Variants in PRSS23 observed in about 807,000 individuals in gnomAD.
The protein encoded by PRSS23 is protease, serine 23.
A neutral mutation model predicts 34.7 loss-of-function variants in PRSS23; 25 were observed. The ratio of observed to expected loss-of-function variants is 0.72; its 90% CI spans 0.53 to 1.01. PRSS23 has a LOEUF of 1.01. Ranked by LOEUF, PRSS23 falls within the 50% of genes least tolerant of loss-of-function variation. PRSS23 has a pLI of 0.00. For synonymous variants in PRSS23, 176 were observed against 186.6 expected (o/e 0.94, Z 0.46); for missense variants, 445 against 475.6 (o/e 0.94, Z 0.60).
downstream of PRSS23, among the ~76,000 whole-genome samples, chr11:86,813,560 G>A (rs1948194925): frequency 1.3e-5 from 2 of 152,174 alleles, no homozygotes; most frequent in African/African-American, 4.8e-5. Context: ...TCCATGAAGG[G>A]ACAGTAGGCA....
At chr11:86,847,436 T>G (rs1054132407) in intron 2 of PRSS23, among the ~76,000 whole-genome samples, 1 of 152,164 alleles carries the variant, frequency 6.6e-6, no homozygotes, top group Non-Finnish European at 1.5e-5. Context: ...CAAGGGAAGT[T>G]TCCATCCTGC....
At chr11:86,915,741 G>C (rs1406903146) in intron 2 of PRSS23, among the ~76,000 whole-genome samples, 2 of 151,932 alleles carry the variant, frequency 1.3e-5, no homozygotes, top group African/African-American at 2.4e-5. Context: ...TATTATATTT[G>C]TAATTATATT....
At chr11:86,835,964 C>T (rs988768443) in intron 2 of PRSS23, among the ~76,000 whole-genome samples, 1 of 152,158 alleles carries the variant, frequency 6.6e-6, no homozygotes, top group Admixed American at 6.5e-5. Flanking sequence ...TCCCTGAACC[C>T]TTTCGGTAAA....
At chr11:86,885,920 C>A (rs1167433068) in intron 2 of PRSS23, among the ~76,000 whole-genome samples, 1 of 152,070 alleles carries the variant, frequency 6.6e-6, no homozygotes, top group Non-Finnish European at 1.5e-5. Flanking sequence ...AAAGGCTGAG[C>A]AATTTATTAT....
At chr11:86,819,122 C>T (rs1948235186) in intron 1 of PRSS23, among the ~76,000 whole-genome samples, 1 of 152,180 alleles carries the variant, frequency 6.6e-6, no homozygotes, top group African/African-American at 2.4e-5. Context: ...CAGTCAGACC[C>T]AGACTTCTTG....
At chr11:86,879,741 C>T (rs1263729263) in intron 2 of PRSS23, among the ~76,000 whole-genome samples, 2 of 140,168 alleles carry the variant, frequency 1.4e-5, no homozygotes, top group Admixed American at 6.9e-5. Flanking sequence ...CAGCCCCCCG[C>T]CCGGCCAGCC....
chr11:86,822,359 G>A (rs551500078), intron 1 of PRSS23, among the ~76,000 whole-genome samples: 26 of 152,250 alleles, frequency 1.7e-4, no homozygotes, highest in Admixed American at 3.3e-4. Flanking sequence ...GGTGGCTCAC[G>A]CCTGTAATAC....
chr11:86,830,963 G>A (rs10751141), intron 2 of PRSS23, among the ~76,000 whole-genome samples: 61,546 of 151,816 alleles, frequency 0.41, 12,776 homozygotes, highest in East Asian at 0.47. Context: ...TATACATAAT[G>A]TGCTACACGG....
chr11:86,819,915 A>C (rs1948240996), intron 1 of PRSS23, among the ~76,000 whole-genome samples: 2 of 152,246 alleles, frequency 1.3e-5, no homozygotes, highest in Admixed American at 1.3e-4. Flanking sequence ...TCAGTTTGGC[A>C]ATAAGACCTC....
intron 2 of PRSS23, among the ~76,000 whole-genome samples, chr11:86,828,191 A>C (rs962304857): frequency 1.3e-5 from 2 of 152,332 alleles, no homozygotes; most frequent in African/African-American, 2.4e-5. Flanking sequence ...TATTGGGTGC[A>C]TATATATTTA....
At chr11:86,889,035 C>G (rs546569025) in intron 2 of PRSS23, among the ~76,000 whole-genome samples, 11 of 152,190 alleles carry the variant, frequency 7.2e-5, no homozygotes, top group Non-Finnish European at 1.5e-4. Flanking sequence ...GTGCCTGTTC[C>G]TAATCCTTGG....
At chr11:86,933,671 A>T (rs1949141400) in intron 2 of PRSS23, 1 of 152,268 alleles carries the variant, frequency 6.6e-6, no homozygotes, top group Non-Finnish European at 1.5e-5. Context: ...CCAAGTGGGA[A>T]GAGTGCGGCT....
chr11:86,890,157 G>A (rs1278825706), intron 2 of PRSS23, among the ~76,000 whole-genome samples: 1 of 152,010 alleles, frequency 6.6e-6, no homozygotes, highest in African/African-American at 2.4e-5. Context: ...TGTAATCCTA[G>A]CTACTCAGAG....
intron 2 of PRSS23, among the ~76,000 whole-genome samples, chr11:86,824,330 A>AAAATAAAATAAAATAAAATAAAAT (rs369196890): frequency 1.5e-5 from 2 of 133,150 alleles, no homozygotes; most frequent in Non-Finnish European, 3.1e-5. Context: ...AAATAAAAAT[A>AAAATAAAATAAAATAAAATAAAAT]AAAATAAAAT....
At chr11:86,861,162 A>G (rs1454401887) in intron 2 of PRSS23, among the ~76,000 whole-genome samples, 15 of 144,412 alleles carry the variant, frequency 1.0e-4, no homozygotes, top group African/African-American at 3.0e-4. Flanking sequence ...GGGGAGAGGA[A>G]GGTGATATTA....
rs577182211 is a variant in PRSS23, at chr11:86,854,024, G to A, written c.206+30431G>A. On this transcript the variant is annotated intron_variant, in intron 2 of 2. Transcript: ENST00000533902. Reference sequence around the variant, plus strand: ...GCTATATCTTCTTTTTTTTTGAGTCGCAGTCTCACTCTGTCGCCCAGGCTG... The same window carrying A: ...GCTATATCTTCTTTTTTTTTGAGTCACAGTCTCACTCTGTCGCCCAGGCTG... 1.2e-3 allele frequency among the ~76,000 whole-genome samples: 187 copies of A among 150,872 alleles called. 1 individual carries two copies. The highest frequency in any genetic ancestry group is 4.2e-3 in the African/African-American group (173 of 41,088).
At chr11:86,826,229 T>G (rs1948299722) in intron 2 of PRSS23, among the ~76,000 whole-genome samples, 1 of 151,638 alleles carries the variant, frequency 6.6e-6, no homozygotes, top group Non-Finnish European at 1.5e-5. Flanking sequence ...GGTATTTTAT[T>G]CTCTTTGAAG....
intron 2 of PRSS23, among the ~76,000 whole-genome samples, chr11:86,899,087 C>G (rs1168071247): frequency 1.3e-5 from 2 of 152,156 alleles, no homozygotes; most frequent in Non-Finnish European, 2.9e-5. Flanking sequence ...TGTCCCACAA[C>G]CTTCAAACCC....
At chr11:86,847,863 T>G (rs1219923015) in intron 2 of PRSS23, among the ~76,000 whole-genome samples, 1 of 152,158 alleles carries the variant, frequency 6.6e-6, no homozygotes, top group Non-Finnish European at 1.5e-5. Context: ...TTTGCCCTTC[T>G]TGACAATACT....
Sources: allele counts gnomAD v4.1 joint callset (sites outside exome capture counted in the v4.1 genomes callset), GRCh38; gene constraint gnomAD v4.1.1; transcripts MANE v1.5; gene names NCBI Gene and HGNC (gene_info 2026-07-23, HGNC 2026-07-21).